The following USP9X variants were observed in gnomAD, a reference collection of about 807,000 sequenced individuals.
The protein encoded by USP9X is ubiquitin carboxyl-terminal hydrolase 9X.
Under a neutral mutation model 190.3 loss-of-function variants are expected in USP9X, and 7 were observed. That is an observed-to-expected ratio of 0.04 (90% CI 0.02 to 0.07). The LOEUF (loss-of-function observed/expected upper bound fraction) is 0.07, where lower values mean the gene tolerates loss of function less well. USP9X is among the 10% of genes least tolerant of loss of function. The pLI is 1.00. For synonymous variants in USP9X, 645 were observed against 659.5 expected (o/e 0.98, Z 0.34); for missense variants, 1,010 against 1,916.9 (o/e 0.53, Z 8.83).
chrX:41,114,397 C>T (rs1034040988), intron 1 of USP9X, among the ~76,000 whole-genome samples: 1 of 111,471 alleles, frequency 9.0e-6, no homozygotes, highest in African/African-American at 3.3e-5. Flanking sequence ...ATCTTGTAAA[C>T]AGATGATGTA....
In USP9X at chrX:41,196,371, T is replaced by A; in HGVS notation, c.4086+12T>A. ...TTACTGTTTTGGGGGTGAGACTTTT[T>A]AAAATATGCTTATCAATGTGATTCA... On this transcript the variant is annotated intron_variant, in intron 27 of 44. Transcript: ENST00000378308. The A allele has an allele frequency of 8.4e-7, 1 of 1,191,279 alleles. No individual in the cohort carries two copies. The highest frequency in any genetic ancestry group is 1.1e-6 in the Non-Finnish European group (1 of 880,550).
At chrX:41,203,321 G>A (rs1168209152) in intron 31 of USP9X, among the ~76,000 whole-genome samples, 1 of 111,652 alleles carries the variant, frequency 9.0e-6, no homozygotes, top group Non-Finnish European at 1.9e-5. Context: ...AACTCAAACT[G>A]TAGTCATTAA....
chrX:41,216,192 G>A lies in USP9X; in HGVS notation c.5625G>A (p.Ala1875=), dbSNP rs761099887. 5.8e-6 allele frequency: 7 copies of A among 1,209,531 alleles called. No homozygotes were observed. Among genetic ancestry groups the A allele is most frequent in the African/African-American group, 5.3e-5 (3 of 56,942 alleles). ...GTGTGCTCGTACACAGTGGTCAAGC[G>A]AGTGGGGGGCATTATTATTCTTACA... The part of the protein sequence containing the change: ...LVGVLVHSGQ[A]SGGHYYSYII... The change falls in exon 35 of 45, where the codon GCG becomes GCA. Residue 1875 remains alanine, a synonymous_variant. Coordinates refer to ENST00000378308, the MANE Select transcript of USP9X (RefSeq NM_001039591.3).
intron 1 of USP9X, among the ~76,000 whole-genome samples, chrX:41,093,531 T>C (rs1169290502): frequency 1.8e-5 from 2 of 110,941 alleles, no homozygotes; most frequent in African/African-American, 6.6e-5. Flanking sequence ...TTTAATAGAG[T>C]TGGGGTTTCT....
chrX:41,229,416 AT>A lies in USP9X; in HGVS notation c.7218+14del. ...TGCTTACCAAATCCTGCAGGTGAGG[AT>A]TTTTTTCTTATAATTTTGTAGAAAT... On this transcript the variant is annotated splice_region_variant and intron_variant, in intron 42 of 44. Transcript: ENST00000378308. 1 of 1,160,354 alleles carries A rather than the reference AT, an allele frequency of 8.6e-7. No individual in the cohort carries two copies. Among genetic ancestry groups the A allele is most frequent in the South Asian group, 2.0e-5 (1 of 49,097 alleles).
intron 2 of USP9X, among the ~76,000 whole-genome samples, chrX:41,127,092 C>G (rs951833039): frequency 9.0e-6 from 1 of 111,096 alleles, no homozygotes; most frequent in African/African-American, 3.3e-5. Flanking sequence ...ATTGTTTATA[C>G]TGTTCTAGTA....
intron 44 of USP9X, 23 bp downstream of exon 44, chrX:41,230,619 T>A (rs759238531): frequency 8.7e-7 from 1 of 1,151,396 alleles, no homozygotes; most frequent in Admixed American, 2.3e-5. Context: ...CAGTTTATGC[T>A]TTTATCCCCT....
At position 41,123,728 on chromosome X, in the gene USP9X, G is replaced by A. The variant is rs757318071; in HGVS notation, c.96+4G>A. On this transcript the variant is annotated splice_donor_region_variant and intron_variant, in intron 2 of 44. Transcript: ENST00000378308. ...GCCCCCCCTCCAACAGAATCAGGTA[G>A]GATGTTGAAGATACTAGTTAAAGCT... 24 of 1,206,485 alleles carry A rather than the reference G, an allele frequency of 2.0e-5. No individual in the cohort carries two copies. The South Asian group carries it at 4.1e-4, about 20-fold the overall frequency.
At chrX:41,172,500 T>C (rs1030904195) in intron 21 of USP9X, among the ~76,000 whole-genome samples, 1 of 112,140 alleles carries the variant, frequency 8.9e-6, no homozygotes, top group Non-Finnish European at 1.9e-5. Flanking sequence ...AGTGTCCTCA[T>C]ACAGCTATTT....
chrX:41,227,387 A>G (rs1432400476), intron 41 of USP9X, among the ~76,000 whole-genome samples: 1 of 112,262 alleles, frequency 8.9e-6, no homozygotes, highest in Non-Finnish European at 1.9e-5. Context: ...GTAGTGTTTC[A>G]GATGAAACAG....
Position 41,136,994 on chromosome X carries a change from C to T in USP9X, c.626C>T (p.Ala209Val). 2 of 1,211,396 alleles carry T rather than the reference C, an allele frequency of 1.7e-6. No homozygotes were observed. The highest frequency in any genetic ancestry group is 2.2e-6 in the Non-Finnish European group (2 of 895,124). The change falls in exon 6 of 45, where the codon GCT becomes GTT. Residue 209 changes from alanine to valine, a missense_variant. This residue lies in a region of USP9X where 176 missense variants were observed against 247.5 expected (regional missense o/e 0.71). Transcript: ENST00000378308. ...SVQLPEDELF[A>V]RSPDPRSPKG... ...CAGTTGCCTGAAGATGAACTCTTTG[C>T]TCGTTCTCCAGATCCTCGATCACCA...
intron 1 of USP9X, among the ~76,000 whole-genome samples, chrX:41,087,554 A>G (rs960326440): frequency 2.0e-4 from 22 of 112,562 alleles, no homozygotes; most frequent in Admixed American, 1.0e-3. Context: ...CGTTTTCTCA[A>G]TTTTTAAACT....
rs2062213765 is a variant in USP9X, at chrX:41,124,024, C to T, written c.96+300C>T. 1.8e-5 allele frequency among the ~76,000 whole-genome samples: 2 copies of T among 110,912 alleles called. 1 individual carries two copies. Among genetic ancestry groups the T allele is most frequent in the South Asian group, 7.7e-4 (2 of 2,598 alleles). On this transcript the variant is annotated intron_variant, in intron 2 of 44. Transcript: ENST00000378308. ...CGCCACCGTACTCCAGCCTGGGTGA[C>T]AGAGCGAGTCTCTGTCTCAAAAACA...
rs762732370 is a variant in USP9X at position 41,123,704 on chromosome X, C to T, written c.76C>T (p.Pro26Ser). ...QGQAPDGQSQ[P>S]PLQQNQTSSP... ...CCAGGCTCCTGATGGACAGTCTCAG[C>T]CCCCCCTCCAACAGAATCAGGTAGG... The change falls in exon 2 of 45, where the codon CCC becomes TCC. Residue 26 changes from proline (P) to serine (S), a missense_variant. Transcript: ENST00000378308. 1.7e-6 allele frequency: 2 copies of T among 1,209,918 alleles called. No homozygotes were observed. The highest frequency in any genetic ancestry group is 2.2e-5 in the Admixed American group (1 of 45,923).
rs1021421922 is a variant in USP9X at position 41,186,656 on chromosome X, A to T, written c.3684+14A>T. 8.3e-7 allele frequency: 1 copy of T among 1,208,913 alleles called. No homozygotes were observed. Among genetic ancestry groups the T allele is most frequent in the East Asian group, 3.0e-5 (1 of 33,781 alleles). On this transcript the variant is annotated intron_variant, in intron 24 of 44. Coordinates refer to ENST00000378308, the MANE Select transcript of USP9X (RefSeq NM_001039591.3). ...ATATCTGATGAGGTTAGTTTTATCAAGACTTCTGTCACAATTTTAACTTTC... is the reference window on the plus strand; with the variant it reads ...ATATCTGATGAGGTTAGTTTTATCATGACTTCTGTCACAATTTTAACTTTC...
chrX:41,211,096 A>G (rs184562694), intron 33 of USP9X, among the ~76,000 whole-genome samples: 3 of 111,365 alleles, frequency 2.7e-5, no homozygotes, highest in East Asian at 2.8e-4. Flanking sequence ...GGCTCAAGCA[A>G]TCCTGCTGCC....
intron 37 of USP9X, among the ~76,000 whole-genome samples, chrX:41,218,811 G>A (rs1197399937): frequency 1.8e-5 from 2 of 112,099 alleles, no homozygotes; most frequent in Non-Finnish European, 3.8e-5. Context: ...TCTCTGTTCG[G>A]TTACATGCAG....
chrX:41,206,344 G>A (rs2063096202), intron 32 of USP9X, among the ~76,000 whole-genome samples: 1 of 111,964 alleles, frequency 8.9e-6, no homozygotes, highest in African/African-American at 3.2e-5. Context: ...GTCAGTGTTT[G>A]AATTTACCGA....
chrX:41,122,675 C>T (rs773767539), intron 1 of USP9X, among the ~76,000 whole-genome samples: 1 of 112,010 alleles, frequency 8.9e-6, no homozygotes, highest in African/African-American at 3.2e-5. Context: ...AGTGTGACAG[C>T]CTTTTTGGGT....
Sources: allele counts gnomAD v4.1 joint callset (sites outside exome capture counted in the v4.1 genomes callset), GRCh38; gene constraint gnomAD v4.1.1; regional missense constraint gnomAD v4.1.1; transcripts MANE v1.5; gene names NCBI Gene and HGNC (gene_info 2026-07-23, HGNC 2026-07-21).